CCR3: variants seen among roughly 807,000 people sequenced by gnomAD.
The protein encoded by CCR3 is C-C motif chemokine receptor 3, also known as C-C chemokine receptor type 3.
For missense variants in CCR3, 419 were observed against 437.5 expected (o/e 0.96, Z 0.38); for synonymous variants, 203 against 179.2 (o/e 1.13, Z -1.06).
chr3:46,224,274 GA>G (rs1361528680), intron 2 of CCR3, among the ~76,000 whole-genome samples: 1 of 151,882 alleles, frequency 6.6e-6, no homozygotes, highest in Non-Finnish European at 1.5e-5. Flanking sequence ...TGGCTAAAAT[GA>G]AAAAAACGCA....
chr3:46,221,248 A>G (rs191200536), intron 2 of CCR3, among the ~76,000 whole-genome samples: 35 of 152,340 alleles, frequency 2.3e-4, no homozygotes, highest in Admixed American at 1.4e-3. Context: ...TTACCAGCAC[A>G]CCATTGCAGA....
chr3:46,246,425 G>A (rs552043995), intron 1 of CCR3, among the ~76,000 whole-genome samples: 65 of 152,180 alleles, frequency 4.3e-4, no homozygotes, highest in East Asian at 3.7e-3. Context: ...TGGGTAGGTA[G>A]AGGAAAATTA....
At chr3:46,260,565 G>T (rs900675311) in intron 1 of CCR3, among the ~76,000 whole-genome samples, 1 of 152,194 alleles carries the variant, frequency 6.6e-6, no homozygotes, top group Non-Finnish European at 1.5e-5. Flanking sequence ...AAACCTTAAA[G>T]CTCCAGAATG....
chr3:46,226,694 T>A (rs1699900768), intron 2 of CCR3, among the ~76,000 whole-genome samples: 1 of 152,166 alleles, frequency 6.6e-6, no homozygotes, highest in South Asian at 2.1e-4. Flanking sequence ...ATAGGAGTGG[T>A]GAGAGTAGAC....
At chr3:46,248,397 T>C (rs1397623292) in intron 1 of CCR3, among the ~76,000 whole-genome samples, 1 of 152,212 alleles carries the variant, frequency 6.6e-6, no homozygotes, top group Non-Finnish European at 1.5e-5. Flanking sequence ...AGCTGCTGCA[T>C]GCAGACATGA....
intron 2 of CCR3, among the ~76,000 whole-genome samples, chr3:46,221,864 G>T (rs1203512965): frequency 2.6e-5 from 4 of 152,114 alleles, no homozygotes; most frequent in Non-Finnish European, 5.9e-5. Flanking sequence ...GGTCCATGAA[G>T]GAGTGTGTCT....
intron 1 of CCR3, among the ~76,000 whole-genome samples, chr3:46,252,867 T>C (rs1700343752): frequency 6.6e-6 from 1 of 152,052 alleles, no homozygotes; most frequent in Non-Finnish European, 1.5e-5. Flanking sequence ...AAGTTTCCCC[T>C]TTTCTTTCCA....
Position 46,250,234 on chromosome 3 carries a change from C to G in CCR3, c.-12+7696C>G, listed in dbSNP as rs114658371. ...AGGTGGGGAAGGGCTAGTGATGGAA[C>G]GAAACTGTAAGCCGGACCAGGTGTG... On this transcript the variant is annotated intron_variant, in intron 1 of 1. Transcript: ENST00000395940. Among the ~76,000 whole-genome samples the G allele has an allele frequency of 8.5e-3, 1,286 of 151,998 alleles. 28 individuals are homozygous for G. The highest frequency in any genetic ancestry group is 0.03 in the African/African-American group (1,223 of 41,414).
chr3:46,242,963 G>GTATATATATATAAACATA (rs529496808), intron 1 of CCR3, among the ~76,000 whole-genome samples: 1 of 86,298 alleles, frequency 1.2e-5, no homozygotes. Context: ...ATATATATGT[G>GTATATATATATAAACATA]TATATATATA....
chr3:46,217,168 A>G (rs1434159231), intron 2 of CCR3, among the ~76,000 whole-genome samples: 3 of 152,352 alleles, frequency 2.0e-5, no homozygotes, highest in Non-Finnish European at 4.4e-5. Context: ...AGCTATTCTT[A>G]TATCAGTCAA....
At chr3:46,228,447 C>G (rs890275680) in intron 2 of CCR3, among the ~76,000 whole-genome samples, 9 of 152,208 alleles carry the variant, frequency 5.9e-5, no homozygotes, top group Admixed American at 2.0e-4. Context: ...ACCCTTGTAT[C>G]TGTGGTGCAC....
At chr3:46,215,727 G>A (rs1285517158) in intron 2 of CCR3, among the ~76,000 whole-genome samples, 1 of 152,206 alleles carries the variant, frequency 6.6e-6, no homozygotes, top group Non-Finnish European at 1.5e-5. Flanking sequence ...TTACCCTGGG[G>A]CTAGAGAAAT....
intron 1 of CCR3, among the ~76,000 whole-genome samples, chr3:46,255,833 C>T (rs532212148): frequency 3.9e-5 from 6 of 152,016 alleles, no homozygotes; most frequent in South Asian, 2.1e-4. Context: ...AGCTGGGTAA[C>T]GTGATGCCTC....
chr3:46,226,940 C>T (rs1191725660), intron 2 of CCR3, among the ~76,000 whole-genome samples: 1 of 151,910 alleles, frequency 6.6e-6, no homozygotes, highest in East Asian at 1.9e-4. Context: ...GGCATGATCT[C>T]GGCTCACTGC....
chr3:46,226,782 T>G (rs1310177096), intron 2 of CCR3, among the ~76,000 whole-genome samples: 1 of 152,068 alleles, frequency 6.6e-6, no homozygotes, highest in Non-Finnish European at 1.5e-5. Flanking sequence ...CTAGACTCTT[T>G]GTAAATGCTG....
At chr3:46,249,718 T>C (rs1186844358) in intron 1 of CCR3, among the ~76,000 whole-genome samples, 1 of 152,178 alleles carries the variant, frequency 6.6e-6, no homozygotes, top group Non-Finnish European at 1.5e-5. Context: ...CAGGCATTCC[T>C]TGGCCTGGTG....
chr3:46,241,679 T>G (rs779659383), upstream of CCR3, among the ~76,000 whole-genome samples: 12 of 152,330 alleles, frequency 7.9e-5, no homozygotes, highest in East Asian at 2.3e-3. Context: ...CCCCAGCTTA[T>G]GTAGCTGTGT....
chr3:46,239,725 T>G (rs567851524), upstream of CCR3, among the ~76,000 whole-genome samples: 1 of 152,322 alleles, frequency 6.6e-6, no homozygotes, highest in East Asian at 1.9e-4. Context: ...CTCATTCTGG[T>G]CTACTGCGTA....
At chr3:46,212,905 A>G (rs1699733607) in intron 2 of CCR3, among the ~76,000 whole-genome samples, 1 of 152,212 alleles carries the variant, frequency 6.6e-6, no homozygotes, top group Non-Finnish European at 1.5e-5. Context: ...TGAGGTTTTT[A>G]AACTTCTTAG....
Sources: gnomAD v4.1 joint callset for allele counts (sites outside exome capture counted in the v4.1 genomes callset) on GRCh38, gnomAD v4.1.1 for gene constraint, MANE v1.5 for transcripts, NCBI Gene and HGNC (gene_info 2026-07-23, HGNC 2026-07-21) for gene names.